Variants in FNBP1 observed in about 807,000 individuals in gnomAD.
FNBP1 encodes formin-binding protein 1.
Under a neutral mutation model 90.6 loss-of-function variants are expected in FNBP1, and 26 were observed. The ratio of observed to expected loss-of-function variants is 0.29; its 90% CI spans 0.21 to 0.40. The LOEUF (loss-of-function observed/expected upper bound fraction) is 0.40, where lower values mean the gene tolerates loss of function less well. Among genes scored for constraint, FNBP1 ranks in the 10% least tolerant of loss-of-function variants. FNBP1 has a pLI of 1.00. For missense variants in FNBP1, 635 were observed against 768.0 expected (o/e 0.83, Z 2.05); for synonymous variants, 260 against 265.2 (o/e 0.98, Z 0.19).
intron 2 of FNBP1, among the ~76,000 whole-genome samples, chr9:129,983,428 A>G (rs1564499473): frequency 1.3e-5 from 2 of 152,206 alleles, no homozygotes; most frequent in Non-Finnish European, 2.9e-5. Flanking sequence ...TTCAAAGGAT[A>G]TTTATCTCAA....
intron 1 of FNBP1, among the ~76,000 whole-genome samples, chr9:130,018,313 T>G (rs139763615): frequency 1.3e-5 from 2 of 152,230 alleles, no homozygotes; most frequent in Non-Finnish European, 2.9e-5. Flanking sequence ...TTAATCATTT[T>G]TAAGTGAATA....
At chr9:129,961,017 C>T (rs2047727940) in intron 4 of FNBP1, among the ~76,000 whole-genome samples, 1 of 151,946 alleles carries the variant, frequency 6.6e-6, no homozygotes, top group Non-Finnish European at 1.5e-5. Flanking sequence ...ATGAGACTCC[C>T]AAGTAGAGAG....
intron 13 of FNBP1, among the ~76,000 whole-genome samples, chr9:129,901,856 G>A (rs1028935129): frequency 6.6e-6 from 1 of 152,188 alleles, no homozygotes; most frequent in Non-Finnish European, 1.5e-5. Context: ...AGGTCACACT[G>A]AGGTGAGATC....
At chr9:129,917,751 C>T (rs112516224) in intron 10 of FNBP1, among the ~76,000 whole-genome samples, 5 of 152,068 alleles carry the variant, frequency 3.3e-5, no homozygotes, top group Non-Finnish European at 5.9e-5. Context: ...AAGGAAAGAA[C>T]CAGAAAGACA....
intron 15 of FNBP1, 75 bp downstream of exon 15, chr9:129,899,887 AAGG>A: frequency 7.8e-7 from 1 of 1,289,484 alleles, no homozygotes; most frequent in Non-Finnish European, 1.0e-6. Context: ...GGAAGGAAGG[AAGG>A]AAAAGTGAAA....
intron 16 of FNBP1, among the ~76,000 whole-genome samples, chr9:129,893,372 G>A (rs2035294578): frequency 1.3e-5 from 2 of 151,374 alleles, no homozygotes; most frequent in African/African-American, 4.9e-5. Flanking sequence ...GGAGGCTGAG[G>A]CGGGCGGATC....
intron 1 of FNBP1, among the ~76,000 whole-genome samples, chr9:129,998,467 CG>C (rs1381075936): frequency 6.6e-6 from 1 of 150,678 alleles, no homozygotes; most frequent in Non-Finnish European, 1.5e-5. Context: ...TGAGCCAAGA[CG>C]GGGCCATTGC....
chr9:129,895,542 C>T (rs1350188329), intron 16 of FNBP1: 3 of 1,224,980 alleles, frequency 2.4e-6, no homozygotes, highest in South Asian at 4.0e-5. Context: ...TCTACAGATA[C>T]CGCCAAAAGA....
chr9:130,039,211 G>A (rs1421055322), intron 1 of FNBP1, among the ~76,000 whole-genome samples: 5 of 152,180 alleles, frequency 3.3e-5, no homozygotes, highest in African/African-American at 9.7e-5. Context: ...ATGCTTCCAC[G>A]TAGATATCTT....
chr9:130,022,984 A>G (rs2057992453), intron 1 of FNBP1, among the ~76,000 whole-genome samples: 1 of 152,188 alleles, frequency 6.6e-6, no homozygotes, highest in African/African-American at 2.4e-5. Flanking sequence ...CTGTCAAAAA[A>G]CAAAAACAAA....
At chr9:129,992,549 C>CTTTTTTTTTTTTTTT in intron 2 of FNBP1, among the ~76,000 whole-genome samples, 1 of 92,532 alleles carries the variant, frequency 1.1e-5, no homozygotes. Flanking sequence ...ACACATAGCT[C>CTTTTTTTTTTTTTTT]TTTTTTTTTT....
intron 16 of FNBP1, among the ~76,000 whole-genome samples, chr9:129,892,581 T>C (rs2035233593): frequency 6.6e-6 from 1 of 152,228 alleles, no homozygotes; most frequent in Admixed American, 6.5e-5. Flanking sequence ...TCTGTACATA[T>C]TATTAATCTC....
intron 1 of FNBP1, among the ~76,000 whole-genome samples, chr9:130,000,047 G>A (rs143799666): frequency 0.011 from 1,705 of 152,304 alleles, 21 homozygotes; most frequent in Middle Eastern, 0.054. Context: ...ACAAATCATA[G>A]CTTCTCAAAG....
intron 16 of FNBP1, among the ~76,000 whole-genome samples, chr9:129,894,780 C>T (rs1466166031): frequency 6.6e-6 from 1 of 152,236 alleles, no homozygotes; most frequent in Non-Finnish European, 1.5e-5. Context: ...TCAATTTGGG[C>T]CAGGTGCGGT....
rs148552782 is a variant in FNBP1, at chr9:129,957,025, C to G, written c.513+335G>C. Among the ~76,000 whole-genome samples, 1 of 137,652 alleles carries G rather than the reference C, an allele frequency of 7.3e-6. No homozygotes were observed. Among genetic ancestry groups the G allele is most frequent in the East Asian group, 2.2e-4 (1 of 4,554 alleles). 90.3% of individuals were successfully genotyped at this position (137,652 alleles called of 152,430 possible). On this transcript the variant is annotated intron_variant, in intron 6 of 16. Coordinates refer to ENST00000446176, the MANE Select transcript of FNBP1 (RefSeq NM_015033.3). The surrounding 1 kb of genome is among the most constrained non-coding windows in gnomAD (Gnocchi z 4.3). ...ACTCACAGGGGAAATGAAAGACACA[C>G]TTGAGCTTTCTTTTGTCTTTTTTTT...
chr9:129,939,589 G>C (rs947692674), intron 6 of FNBP1, among the ~76,000 whole-genome samples: 1 of 152,098 alleles, frequency 6.6e-6, no homozygotes. Flanking sequence ...GCTGTGGAGT[G>C]GGGGAAGAGT....
intron 6 of FNBP1, among the ~76,000 whole-genome samples, chr9:129,935,544 G>A (rs756866141): frequency 1.3e-5 from 2 of 152,018 alleles, no homozygotes; most frequent in Non-Finnish European, 2.9e-5. Context: ...CTGGAGTGCA[G>A]TGGTGCAATC....
the FNBP1 span, among the ~76,000 whole-genome samples, chr9:130,049,981 A>G: frequency 6.6e-6 from 1 of 152,130 alleles, no homozygotes. Flanking sequence ...GATTCAAACC[A>G]TCTTCCCCAG....
intron 4 of FNBP1, among the ~76,000 whole-genome samples, chr9:129,970,033 C>T (rs1375629032): frequency 6.7e-6 from 1 of 150,170 alleles, no homozygotes; most frequent in Non-Finnish European, 1.5e-5. Flanking sequence ...GGACTACAGG[C>T]ACCTCCCACC....
Sources: allele counts gnomAD v4.1 joint callset (sites outside exome capture counted in the v4.1 genomes callset), GRCh38; gene constraint gnomAD v4.1.1; non-coding constraint Gnocchi (gnomAD v3.1); transcripts MANE v1.5; gene names NCBI Gene and HGNC (gene_info 2026-07-23, HGNC 2026-07-21).